Variants in FER observed in about 807,000 individuals in gnomAD.
FER encodes FER tyrosine kinase.
Under a neutral mutation model 111.0 loss-of-function variants are expected in FER, and 63 were observed. The ratio of observed to expected loss-of-function variants is 0.57; its 90% CI spans 0.46 to 0.70. FER has a LOEUF of 0.70. Ranked by LOEUF, FER falls within the 30% of genes least tolerant of loss-of-function variation. FER has a pLI of 0.00. For missense variants in FER, 914 were observed against 954.0 expected, an observed-to-expected ratio of 0.96 and a Z score of 0.55; for synonymous variants, 327 against 313.9, an observed-to-expected ratio of 1.04 and a Z score of -0.44.
At chr5:109,025,521 C>G (rs11958388) in intron 13 of FER, among the ~76,000 whole-genome samples, 16,674 of 151,706 alleles carry the variant, frequency 0.11, 962 homozygotes, top group Non-Finnish European at 0.14. Flanking sequence ...AGATTTTGGG[C>G]TGAGACAATG....
intron 13 of FER, among the ~76,000 whole-genome samples, chr5:108,998,178 G>A (rs1455773624): frequency 6.9e-6 from 1 of 144,024 alleles, no homozygotes; most frequent in Admixed American, 6.8e-5. Flanking sequence ...GCACCACCGG[G>A]GTATGAAAAA....
At chr5:108,864,258 T>C (rs573251120) in intron 5 of FER, among the ~76,000 whole-genome samples, 3 of 152,296 alleles carry the variant, frequency 2.0e-5, no homozygotes. Context: ...AGTAGAGACA[T>C]ACAAGTCTGC....
intron 10 of FER, among the ~76,000 whole-genome samples, chr5:108,920,899 C>G (rs190371511): frequency 6.6e-6 from 1 of 152,240 alleles, no homozygotes; most frequent in African/African-American, 2.4e-5. Context: ...TCCCTGCCTA[C>G]TTCCCCTCAT....
intron 13 of FER, among the ~76,000 whole-genome samples, chr5:109,017,573 A>G (rs1237890221): frequency 6.6e-6 from 1 of 152,016 alleles, no homozygotes; most frequent in Non-Finnish European, 1.5e-5. Flanking sequence ...AAGAAAAGAG[A>G]TAACTTATTT....
chr5:108,864,641 C>T (rs1341745154), intron 5 of FER, among the ~76,000 whole-genome samples: 2 of 152,244 alleles, frequency 1.3e-5, no homozygotes, highest in East Asian at 3.9e-4. Flanking sequence ...TTGTTTTTGT[C>T]AGGGTTGTCA....
rs917911327 is a variant in FER at position 109,193,631 on chromosome 5, A to C, written c.*6056A>C. The C allele has an allele frequency of 2.0e-5, 3 of 152,180 alleles. No homozygotes were observed. The highest frequency in any genetic ancestry group is 7.2e-5 in the African/African-American group (3 of 41,460). 9.4% of individuals were successfully genotyped at this position (152,180 alleles called of 1,614,324 possible). ...TTCATTCAGAAAGTTTTTCTTGAAC[A>C]TCTGCCACATGAGGTGCAGAGAATA... On this transcript the variant is annotated 3_prime_UTR_variant, in exon 20 of 20. Coordinates refer to ENST00000281092, the MANE Select transcript of FER (RefSeq NM_005246.4).
intron 16 of FER, chr5:109,052,563 CCTGT>C (rs1772993441): frequency 7.9e-6 from 5 of 629,702 alleles, no homozygotes; most frequent in East Asian, 2.6e-5. Flanking sequence ...GGCACTCAGA[CCTGT>C]CTATTTAAAG....
At chr5:109,036,945 G>C (rs375216894) in intron 13 of FER, among the ~76,000 whole-genome samples, 3 of 152,114 alleles carry the variant, frequency 2.0e-5, no homozygotes, top group African/African-American at 7.2e-5. Flanking sequence ...ACTATATGAA[G>C]TGTCATAGAC....
chr5:108,875,887 G>T (rs6594341), intron 8 of FER, among the ~76,000 whole-genome samples: 34,331 of 152,044 alleles, frequency 0.23, 4,076 homozygotes, highest in African/African-American at 0.28. Flanking sequence ...TTATTATAAG[G>T]TGTTATTGCC....
At chr5:108,965,231 G>A (rs1759650957) in intron 13 of FER, among the ~76,000 whole-genome samples, 1 of 152,046 alleles carries the variant, frequency 6.6e-6, no homozygotes, top group African/African-American at 2.4e-5. Context: ...TGAGCACAGA[G>A]AATCCATTTT....
chr5:109,136,598 T>C (rs547599045), intron 17 of FER, among the ~76,000 whole-genome samples: 7 of 152,196 alleles, frequency 4.6e-5, no homozygotes, highest in Admixed American at 3.3e-4. Flanking sequence ...TATTTTCATA[T>C]ACAGATTTTC....
In FER at chr5:109,196,211, T is replaced by C. The variant is rs1759737016; in HGVS notation, c.*8636T>C. On this transcript the variant is annotated 3_prime_UTR_variant, in exon 20 of 20. Transcript: ENST00000281092. ...AGTCTAGGGCTCTCTTAGTGAATGGTTGTGGAAATATGATTTTTCTAAGTT... is the reference window on the plus strand; with the variant it reads ...AGTCTAGGGCTCTCTTAGTGAATGGCTGTGGAAATATGATTTTTCTAAGTT... 6.6e-6 allele frequency: 1 copy of C among 152,234 alleles called. No individual in the cohort carries two copies. The highest frequency in any genetic ancestry group is 6.5e-5 in the Admixed American group (1 of 15,286). 9.4% of individuals were successfully genotyped at this position (152,234 alleles called of 1,614,324 possible).
chr5:109,073,471 C>T (rs1216083930), intron 16 of FER, among the ~76,000 whole-genome samples: 4 of 152,032 alleles, frequency 2.6e-5, no homozygotes, highest in Middle Eastern at 3.4e-3. Context: ...TCATTTATAC[C>T]GTAATTGATC....
At chr5:109,159,366 G>T (rs1383397644) in intron 17 of FER, among the ~76,000 whole-genome samples, 1 of 152,032 alleles carries the variant, frequency 6.6e-6, no homozygotes, top group Non-Finnish European at 1.5e-5. Flanking sequence ...GTTTATAGCA[G>T]CATCTCTCAT....
At chr5:108,850,104 A>G (rs1762410075) in intron 5 of FER, among the ~76,000 whole-genome samples, 1 of 151,852 alleles carries the variant, frequency 6.6e-6, no homozygotes, top group Non-Finnish European at 1.5e-5. Context: ...CTGAGGCAGG[A>G]GAATTGCTTG....
chr5:109,100,411 C>A lies in FER; in HGVS notation c.1940C>A (p.Thr647Asn). ...ATTCCTCTAGGAGGTGATTTCCTCACCTTTCTGAGAAGGAAGAAGGATGAA... is the reference window on the plus strand; with the variant it reads ...ATTCCTCTAGGAGGTGATTTCCTCAACTTTCTGAGAAGGAAGAAGGATGAA... ...MELVSGGDFL[T>N]FLRRKKDELK... is the part of the protein sequence containing the mutation. Residue 647 changes from threonine (T) to asparagine (N), a missense_variant, in exon 17 of 20, where the codon ACC becomes AAC. Physicochemically the swap from Thr to Asn is moderately conservative, Grantham distance 65 (BLOSUM62 0). Transcript: ENST00000281092. 2 of 1,610,676 alleles carry A rather than the reference C, an allele frequency of 1.2e-6. No homozygotes were observed. Among genetic ancestry groups the A allele is most frequent in the Non-Finnish European group, 1.7e-6 (2 of 1,177,714 alleles).
chr5:109,180,626 C>A, intron 17 of FER, 121 bp from the exon 18 acceptor site: 1 of 1,087,288 alleles, frequency 9.2e-7, no homozygotes, highest in Non-Finnish European at 1.3e-6. Flanking sequence ...AAATCACAAG[C>A]ATTCTTAACC....
At chr5:109,088,717 A>G (rs1319535544) in intron 16 of FER, among the ~76,000 whole-genome samples, 3 of 152,166 alleles carry the variant, frequency 2.0e-5, no homozygotes, top group South Asian at 4.1e-4. Flanking sequence ...TAAAATTAAG[A>G]GTAAGTTATA....
intron 13 of FER, among the ~76,000 whole-genome samples, chr5:109,021,408 T>C (rs1014303637): frequency 6.6e-6 from 1 of 152,076 alleles, no homozygotes; most frequent in Non-Finnish European, 1.5e-5. Context: ...ATACTTAACA[T>C]AATTATCAAG....
Sources: gnomAD v4.1 joint callset for allele counts (sites outside exome capture counted in the v4.1 genomes callset) on GRCh38, gnomAD v4.1.1 for gene constraint, MANE v1.5 for transcripts, NCBI Gene and HGNC (gene_info 2026-07-23, HGNC 2026-07-21) for gene names.